The following KIAA1217 variants were observed in gnomAD, a reference collection of about 807,000 sequenced individuals.
KIAA1217 encodes KIAA1217, also known as sickle tail protein homolog.
In KIAA1217, 88 loss-of-function variants were observed where a neutral mutation model predicts 163.9. The observed-to-expected ratio is 0.54, with a 90% CI of 0.45 to 0.64. The LOEUF (loss-of-function observed/expected upper bound fraction) is 0.64. Among genes scored for constraint, KIAA1217 ranks in the 30% least tolerant of loss-of-function variants. The probability of loss-of-function intolerance (pLI) is 0.00; values close to 1 mark genes in which losing one functional copy is unlikely to be tolerated. For synonymous variants in KIAA1217, 903 were observed against 923.1 expected (o/e 0.98, Z 0.39); for missense variants, 2,372 against 2,475.0 (o/e 0.96, Z 0.88).
At chr10:23,936,899 G>T (rs1228614397) in intron 1 of KIAA1217, among the ~76,000 whole-genome samples, 3 of 150,774 alleles carry the variant, frequency 2.0e-5, no homozygotes, top group Non-Finnish European at 4.4e-5. Context: ...CTTTTTTTTT[G>T]ACAGTGTTTC....
At chr10:23,763,521 G>A (rs1037876041) in intron 1 of KIAA1217, among the ~76,000 whole-genome samples, 1 of 151,782 alleles carries the variant, frequency 6.6e-6, no homozygotes, top group Non-Finnish European at 1.5e-5. Flanking sequence ...GAAGGTAAAT[G>A]GTGCTGAGAA....
intron 4 of KIAA1217, among the ~76,000 whole-genome samples, chr10:24,437,906 C>CAAAAAAAAAAAAA (rs58645832): frequency 3.1e-5 from 2 of 63,690 alleles, no homozygotes; most frequent in African/African-American, 6.7e-5. Flanking sequence ...TGTTTGAAGG[C>CAAAAAAAAAAAAA]AAAAAAAAAA....
At chr10:24,271,410 A>G (rs1254717434) in intron 2 of KIAA1217, among the ~76,000 whole-genome samples, 1 of 152,108 alleles carries the variant, frequency 6.6e-6, no homozygotes, top group Non-Finnish European at 1.5e-5. Flanking sequence ...TTCAGTTCTG[A>G]CTATAACCAA....
At chr10:23,922,052 C>A (rs528563556) in intron 1 of KIAA1217, among the ~76,000 whole-genome samples, 1 of 152,136 alleles carries the variant, frequency 6.6e-6, no homozygotes, top group East Asian at 1.9e-4. Context: ...CCCCCACCCC[C>A]CACCAACAGC....
At chr10:24,541,064 T>C (rs1304066838) in intron 17 of KIAA1217, among the ~76,000 whole-genome samples, 1 of 151,620 alleles carries the variant, frequency 6.6e-6, no homozygotes, top group Non-Finnish European at 1.5e-5. Flanking sequence ...CCACTACACA[T>C]AGCCTATTTT....
chr10:24,326,887 A>G (rs1031357398), intron 2 of KIAA1217, among the ~76,000 whole-genome samples: 7 of 152,210 alleles, frequency 4.6e-5, no homozygotes, highest in Non-Finnish European at 1.0e-4. Context: ...GAAATTACTT[A>G]TGATTTGTAA....
chr10:24,006,112 T>G (rs1846985487), intron 1 of KIAA1217, among the ~76,000 whole-genome samples: 1 of 152,218 alleles, frequency 6.6e-6, no homozygotes, highest in Non-Finnish European at 1.5e-5. Context: ...ATGACAATAT[T>G]CATAACTATT....
chr10:24,361,982 C>CAAAAAAAAAA (rs68117028), intron 2 of KIAA1217, among the ~76,000 whole-genome samples: 6 of 100,552 alleles, frequency 6.0e-5, no homozygotes, highest in Non-Finnish European at 9.8e-5. Context: ...GACTCTGTCT[C>CAAAAAAAAAA]AAAAAAAAAA....
At chr10:24,293,785 C>T (rs2079365244) in intron 2 of KIAA1217, among the ~76,000 whole-genome samples, 1 of 152,214 alleles carries the variant, frequency 6.6e-6, no homozygotes. Context: ...CATGAAGGTT[C>T]TCAGTCCTGA....
intron 2 of KIAA1217, among the ~76,000 whole-genome samples, chr10:24,067,008 A>C (rs1053429229): frequency 1.1e-4 from 16 of 151,992 alleles, no homozygotes; most frequent in Admixed American, 7.9e-4. Flanking sequence ...TCCTTTAAGG[A>C]CTTCTCTGCA....
At position 24,546,168 on chromosome 10, in the gene KIAA1217, A is replaced by G. The variant is rs1398659476; in HGVS notation, c.5676A>G (p.Ser1892=). The change falls in exon 21 of 21, where the codon TCA becomes TCG. Residue 1892 remains serine (S), a synonymous_variant. Transcript: ENST00000376454. ...ATGGCCGAGCACCCCCTCCTTTGTCATTTTCCTCCTCCCCTCCTTCTCCTG... is the reference window on the plus strand; with the variant it reads ...ATGGCCGAGCACCCCCTCCTTTGTCGTTTTCCTCCTCCCCTCCTTCTCCTG... ...SQNGRAPPPL[S]FSSSPPSPAS... 1.1e-5 allele frequency: 17 copies of G among 1,613,676 alleles called. No individual in the cohort carries two copies. Among genetic ancestry groups the G allele is most frequent in the Non-Finnish European group, 1.4e-5 (16 of 1,179,948 alleles).
chr10:24,426,698 A>G (rs1255149629), intron 3 of KIAA1217, among the ~76,000 whole-genome samples: 1 of 152,204 alleles, frequency 6.6e-6, no homozygotes, highest in African/African-American at 2.4e-5. Context: ...TAATTCCTTC[A>G]TTCCTGATGA....
intron 5 of KIAA1217, among the ~76,000 whole-genome samples, chr10:24,447,750 C>T (rs1592021535): frequency 2.0e-5 from 3 of 152,212 alleles, no homozygotes; most frequent in Admixed American, 2.0e-4. Flanking sequence ...TAGCACATTA[C>T]CTAATGTATC....
At chr10:24,275,746 A>G (rs761557273) in intron 2 of KIAA1217, 1 of 533,106 alleles carries the variant, frequency 1.9e-6, no homozygotes, top group Non-Finnish European at 3.9e-6. Flanking sequence ...AAGTAATGGC[A>G]CACACTGCAA....
intron 1 of KIAA1217, among the ~76,000 whole-genome samples, chr10:23,765,051 A>G (rs1214079448): frequency 6.6e-6 from 1 of 152,180 alleles, no homozygotes; most frequent in Non-Finnish European, 1.5e-5. Context: ...AAAGTTTTAA[A>G]AAGGTAGTTG....
At chr10:23,716,859 TCA>T in intron 1 of KIAA1217, among the ~76,000 whole-genome samples, 1 of 152,326 alleles carries the variant, frequency 6.6e-6, no homozygotes, top group African/African-American at 2.4e-5. Flanking sequence ...ATTTACTACA[TCA>T]CGTTTTTTCT....
At chr10:23,980,729 A>C (rs572361999) in intron 1 of KIAA1217, among the ~76,000 whole-genome samples, 29 of 152,284 alleles carry the variant, frequency 1.9e-4, no homozygotes, top group Middle Eastern at 3.4e-3. Flanking sequence ...TTGATTCTAC[A>C]GGCGAATCAG....
At chr10:24,254,784 A>T (rs1332224702) in intron 2 of KIAA1217, among the ~76,000 whole-genome samples, 1 of 152,106 alleles carries the variant, frequency 6.6e-6, no homozygotes, top group African/African-American at 2.4e-5. Context: ...ACCTTGGGCT[A>T]TATGTGAACA....
chr10:24,133,501 G>A (rs1285784769), intron 2 of KIAA1217, among the ~76,000 whole-genome samples: 1 of 151,850 alleles, frequency 6.6e-6, no homozygotes, highest in Non-Finnish European at 1.5e-5. Flanking sequence ...GAGCCCAGGA[G>A]GCAGAGGTTG....
Sources: gnomAD v4.1 joint callset for allele counts (sites outside exome capture counted in the v4.1 genomes callset) on GRCh38, gnomAD v4.1.1 for gene constraint, MANE v1.5 for transcripts, NCBI Gene and HGNC (gene_info 2026-07-23, HGNC 2026-07-21) for gene names.